The following SDK1 variants were observed in gnomAD, a reference collection of about 807,000 sequenced individuals.
SDK1 encodes the protein sidekick cell adhesion molecule 1, also known as protein sidekick-1.
SDK1 carries 157 observed loss-of-function variants against 245.5 expected under a neutral mutation model. The observed-to-expected ratio is 0.64, with a 90% CI of 0.56 to 0.73. SDK1 has a LOEUF of 0.73. Ranked by LOEUF, SDK1 falls within the 30% of genes least tolerant of loss-of-function variation. The pLI is 0.00. For missense variants in SDK1, 3,583 were observed against 3,002.3 expected, an observed-to-expected ratio of 1.19 and a Z score of -4.52; for synonymous variants, 1,647 against 1,278.5, an observed-to-expected ratio of 1.29 and a Z score of -6.15.
intron 23 of SDK1, 110 bp downstream of exon 23, chr7:4,110,882 C>G: frequency 2.7e-6 from 2 of 743,084 alleles, no homozygotes; most frequent in South Asian, 3.1e-5. Flanking sequence ...TCAGATGTTT[C>G]CTAGTGGCAA....
Position 3,369,613 on chromosome 7 carries a change from G to A in SDK1, c.298+67729G>A, listed in dbSNP as rs558223380. On this transcript the variant is annotated intron_variant, in intron 1 of 44. Transcript: ENST00000404826. ...CTTTTACATCTCCTATTGAAGAATAGGATGTTGTATATAAGAGGATAGCAC... is the reference window on the plus strand; with the variant it reads ...CTTTTACATCTCCTATTGAAGAATAAGATGTTGTATATAAGAGGATAGCAC... 2.0e-3 allele frequency among the ~76,000 whole-genome samples: 312 copies of A among 152,304 alleles called. 1 individual carries two copies. Among genetic ancestry groups the A allele is most frequent in the Non-Finnish European group, 3.2e-3 (217 of 68,014 alleles).
intron 4 of SDK1, among the ~76,000 whole-genome samples, chr7:3,681,797 A>T (rs1784107687): frequency 6.6e-6 from 1 of 152,224 alleles, no homozygotes; most frequent in South Asian, 2.1e-4. Context: ...TTATTGATTA[A>T]CTTTCCTTTC....
intron 35 of SDK1, among the ~76,000 whole-genome samples, chr7:4,194,657 G>C (rs1783477845): frequency 6.6e-6 from 1 of 152,118 alleles, no homozygotes; most frequent in African/African-American, 2.4e-5. Context: ...GATGTAGGCT[G>C]GGAGGCTAGG....
At position 3,419,072 on chromosome 7, in the gene SDK1, G is replaced by C. The variant is rs77791788; in HGVS notation, c.298+117188G>C. The stretch of plus-strand genomic sequence containing the variant: ...CATGGTTTTTGTGTCCCATGAATAC[G>C]GTATTTTTGATCTGCATTTGATTGA... On this transcript the variant is annotated intron_variant, in intron 1 of 44. Coordinates refer to ENST00000404826, the MANE Select transcript of SDK1 (RefSeq NM_152744.4). Among the ~76,000 whole-genome samples the C allele has an allele frequency of 1.9e-3, 287 of 152,256 alleles. 2 individuals carry two copies. Among genetic ancestry groups the C allele is most frequent in the Non-Finnish European group, 3.0e-3 (206 of 68,016 alleles).
intron 1 of SDK1, among the ~76,000 whole-genome samples, chr7:3,351,631 A>G (rs73675313): frequency 0.17 from 26,413 of 152,186 alleles, 2,329 homozygotes; most frequent in South Asian, 0.23. Flanking sequence ...TAAAGCTGGT[A>G]TAACATGTTG....
chr7:3,704,664 C>G (rs150542410), intron 4 of SDK1, among the ~76,000 whole-genome samples: 3 of 152,088 alleles, frequency 2.0e-5, no homozygotes, highest in African/African-American at 7.2e-5. Context: ...ATGATTGTTT[C>G]TTTTGCTGTA....
chr7:3,911,073 G>C lies in SDK1; in HGVS notation c.848-39850G>C, dbSNP rs557235494. 2.3e-3 allele frequency among the ~76,000 whole-genome samples: 344 copies of C among 152,268 alleles called. 4 individuals are homozygous for C. The highest frequency in any genetic ancestry group is 8.0e-3 in the African/African-American group (334 of 41,550). ...GCCTCTGGGTCAGCTCTCCATTTTG[G>C]GGGGACTAGGGTGGCCCGGCTGGAG... On this transcript the variant is annotated intron_variant, in intron 5 of 44. Coordinates refer to ENST00000404826, the MANE Select transcript of SDK1 (RefSeq NM_152744.4).
intron 21 of SDK1, 42 bp from the exon 22 acceptor site, chr7:4,079,421 C>CG (rs1562778630): frequency 1.2e-6 from 2 of 1,609,514 alleles, no homozygotes; most frequent in Non-Finnish European, 1.7e-6. Flanking sequence ...TAAGCTGTGA[C>CG]GGACTGTAAA....
At chr7:4,089,376 A>G (rs1291846238) in intron 22 of SDK1, among the ~76,000 whole-genome samples, 1 of 152,320 alleles carries the variant, frequency 6.6e-6, no homozygotes, top group South Asian at 2.1e-4. Context: ...TGAGGCTTGG[A>G]AATGACAGAT....
At chr7:3,449,214 C>T (rs947981901) in intron 1 of SDK1, among the ~76,000 whole-genome samples, 1 of 152,164 alleles carries the variant, frequency 6.6e-6, no homozygotes, top group Admixed American at 6.5e-5. Flanking sequence ...CTCAAAGCTG[C>T]ACCTACAGAG....
In SDK1 at chr7:3,619,144, C is replaced by T. The variant is rs1562606894; in HGVS notation, c.363C>T (p.Arg121=). 1 of 1,613,934 alleles carries T rather than the reference C, an allele frequency of 6.2e-7. No individual in the cohort carries two copies. The highest frequency in any genetic ancestry group is 2.2e-5 in the East Asian group (1 of 44,872). The change falls in exon 2 of 45, where the codon CGC becomes CGT. Residue 121 remains arginine (R), a synonymous_variant. Coordinates refer to ENST00000404826, the MANE Select transcript of SDK1 (RefSeq NM_152744.4). The part of the protein sequence containing the change: ...GLPQIHLEGN[R]LVLTCLAEGS... ...CACAGATCCACCTGGAAGGGAACCG[C>T]CTTGTTCTCACCTGCCTTGCCGAAG...
chr7:3,512,558 A>G (rs1440753541), intron 1 of SDK1, among the ~76,000 whole-genome samples: 1 of 152,190 alleles, frequency 6.6e-6, no homozygotes. Context: ...AGTGACTGTA[A>G]CATTTTACAT....
intron 5 of SDK1, among the ~76,000 whole-genome samples, chr7:3,866,054 G>A (rs557386714): frequency 6.6e-6 from 1 of 152,342 alleles, no homozygotes; most frequent in African/African-American, 2.4e-5. Flanking sequence ...CAGAGTGACA[G>A]AATACAGAAT....
chr7:3,879,540 C>A (rs932498168), intron 5 of SDK1, among the ~76,000 whole-genome samples: 1 of 152,188 alleles, frequency 6.6e-6, no homozygotes, highest in African/African-American at 2.4e-5. Context: ...AGAACCTTGG[C>A]AGAGAAGGTT....
At chr7:3,515,504 A>G (rs1307478879) in intron 1 of SDK1, among the ~76,000 whole-genome samples, 2 of 152,188 alleles carry the variant, frequency 1.3e-5, no homozygotes, top group Non-Finnish European at 2.9e-5. Flanking sequence ...ATTTAAAAAC[A>G]CACACTGTCC....
intron 4 of SDK1, among the ~76,000 whole-genome samples, chr7:3,784,627 C>G (rs553676342): frequency 6.6e-6 from 1 of 152,126 alleles, no homozygotes; most frequent in Non-Finnish European, 1.5e-5. Context: ...CATCAGAAAT[C>G]ACTAAGGAAA....
chr7:3,550,497 T>C (rs1022245870), intron 1 of SDK1, among the ~76,000 whole-genome samples: 3 of 152,210 alleles, frequency 2.0e-5, no homozygotes, highest in Non-Finnish European at 2.9e-5. Context: ...GGGCCACTGC[T>C]GGGTGCTCAT....
At chr7:3,810,401 A>G (rs1315501116) in intron 4 of SDK1, among the ~76,000 whole-genome samples, 6 of 152,092 alleles carry the variant, frequency 3.9e-5, no homozygotes, top group African/African-American at 1.4e-4. Flanking sequence ...TTTCTGCCTA[A>G]ACCTGGGCTC....
intron 32 of SDK1, among the ~76,000 whole-genome samples, chr7:4,168,849 G>T (rs1384596999): frequency 6.6e-6 from 1 of 152,150 alleles, no homozygotes; most frequent in Non-Finnish European, 1.5e-5. Flanking sequence ...CTGATAGTCA[G>T]TCCAGAGCCC....
Sources: gnomAD v4.1 joint callset for allele counts (sites outside exome capture counted in the v4.1 genomes callset) on GRCh38, gnomAD v4.1.1 for gene constraint, MANE v1.5 for transcripts, NCBI Gene and HGNC (gene_info 2026-07-23, HGNC 2026-07-21) for gene names.